EIF4E3: variants seen among roughly 807,000 people sequenced by gnomAD.
EIF4E3 encodes eukaryotic translation initiation factor 4E family member 3, also known as eukaryotic translation initiation factor 4E type 3.
EIF4E3 carries 26 observed loss-of-function variants against 31.7 expected under a neutral mutation model. The ratio of observed to expected loss-of-function variants is 0.82; its 90% CI spans 0.60 to 1.14. The LOEUF is 1.14. Ranked by LOEUF, EIF4E3 falls within the 50% of genes most tolerant of loss-of-function variation. The pLI, the probability that EIF4E3 is intolerant of heterozygous loss-of-function variation, is 0.00. For missense variants in EIF4E3, 304 were observed against 270.9 expected (o/e 1.12, Z -0.86); for synonymous variants, 128 against 107.7 (o/e 1.19, Z -1.17).
chr3:71,715,549 G>A (rs1214254195), intron 1 of EIF4E3, among the ~76,000 whole-genome samples: 2 of 152,210 alleles, frequency 1.3e-5, no homozygotes, highest in African/African-American at 4.8e-5. Context: ...ACCATTCCTA[G>A]TAGAAGATAC....
At chr3:71,745,760 C>T (rs1217189248) in intron 1 of EIF4E3, among the ~76,000 whole-genome samples, 2 of 152,178 alleles carry the variant, frequency 1.3e-5, no homozygotes, top group East Asian at 3.9e-4. Flanking sequence ...AGGATCACAA[C>T]ATGACTTAAC....
intron 1 of EIF4E3, among the ~76,000 whole-genome samples, chr3:71,711,638 C>A (rs1465969339): frequency 1.3e-5 from 2 of 152,178 alleles, no homozygotes; most frequent in African/African-American, 4.8e-5. Flanking sequence ...AGTCCTTGAA[C>A]TATGAACCAG....
Position 71,676,108 on chromosome 3 carries a change from A to G in EIF4E3, c.*8574T>C, listed in dbSNP as rs1336461233. On this transcript the variant is annotated 3_prime_UTR_variant, in exon 7 of 7. Transcript: ENST00000425534. Reference sequence around the variant, plus strand: ...GAGCCACACACTACAGCAAAAGCACATTAAATTCTGCCCAGTTACTAACTT... The same window carrying G: ...GAGCCACACACTACAGCAAAAGCACGTTAAATTCTGCCCAGTTACTAACTT... 1.3e-5 allele frequency: 2 copies of G among 152,360 alleles called. No homozygotes were observed. The highest frequency in any genetic ancestry group is 1.9e-4 in the East Asian group (1 of 5,190). The allele number at this position is 152,360 out of a possible 1,614,324, so 9.4% of individuals were successfully genotyped here.
chr3:71,676,683 G>A lies in EIF4E3; in HGVS notation c.*7999C>T, dbSNP rs2107988426. On this transcript the variant is annotated 3_prime_UTR_variant, in exon 7 of 7. Coordinates refer to ENST00000425534, the MANE Select transcript of EIF4E3 (RefSeq NM_001134651.2). ...GTGTTTCTGTGGAACCACCCTTCTA[G>A]GGAACACTCTTTGAAAGCTGATGGA... The A allele has an allele frequency of 6.6e-6, 1 of 151,904 alleles. No homozygotes were observed. The highest frequency in any genetic ancestry group is 1.9e-4 in the East Asian group (1 of 5,178). 9.4% of individuals were successfully genotyped at this position (151,904 alleles called of 1,614,324 possible). A position where few individuals can be genotyped will look rare whatever the true frequency, so the allele number is the denominator to read the frequency against.
At chr3:71,709,593 C>A (rs2108075501) in intron 2 of EIF4E3, among the ~76,000 whole-genome samples, 1 of 152,062 alleles carries the variant, frequency 6.6e-6, no homozygotes, top group East Asian at 1.9e-4. Context: ...GTTGCCCAGG[C>A]TGCTCTGGAA....
chr3:71,753,662 G>C, upstream of EIF4E3: 1 of 148,900 alleles, frequency 6.7e-6, no homozygotes, highest in Non-Finnish European at 1.5e-5. Flanking sequence ...CGGCGGCGGC[G>C]GCGGCGGCAG....
intron 4 of EIF4E3, among the ~76,000 whole-genome samples, chr3:71,695,984 T>C (rs1029213098): frequency 6.6e-5 from 10 of 152,162 alleles, no homozygotes; most frequent in Non-Finnish European, 1.5e-5. Flanking sequence ...AGATGGAGCA[T>C]AGTCTCTCAT....
intron 1 of EIF4E3, among the ~76,000 whole-genome samples, chr3:71,741,430 C>T (rs1578389377): frequency 6.6e-6 from 1 of 151,994 alleles, no homozygotes; most frequent in Non-Finnish European, 1.5e-5. Flanking sequence ...TGAAGAGGGT[C>T]GATTAGTAAT....
intron 1 of EIF4E3, among the ~76,000 whole-genome samples, chr3:71,721,904 A>G (rs1403487949): frequency 2.0e-5 from 3 of 152,140 alleles, no homozygotes; most frequent in Admixed American, 2.0e-4. Flanking sequence ...TGGAGGTGAG[A>G]GCACTCCAAG....
rs1210154482 is a variant in EIF4E3, at chr3:71,675,576, T to C, written c.*9106A>G. ...CATTTTTTCCACATAATATATGGAA[T>C]GAAGAAAAGATCATTGATTTTAACA... On this transcript the variant is annotated 3_prime_UTR_variant, in exon 7 of 7. Coordinates refer to ENST00000425534, the MANE Select transcript of EIF4E3 (RefSeq NM_001134651.2). The C allele has an allele frequency of 6.6e-6, 1 of 152,246 alleles. No homozygotes were observed. The highest frequency in any genetic ancestry group is 2.4e-5 in the African/African-American group (1 of 41,470). The allele number at this position is 152,246 out of a possible 1,614,324, so 9.4% of individuals were successfully genotyped here. A position where few individuals can be genotyped will look rare whatever the true frequency, so the allele number is the denominator to read the frequency against.
chr3:71,725,519 CAGGGCCTGGGA>C, upstream of EIF4E3: 6 of 329,184 alleles, frequency 1.8e-5, no homozygotes, highest in Middle Eastern at 1.6e-3. The surrounding 1 kb of genome is among the most constrained non-coding windows in gnomAD (Gnocchi z 6.1). Flanking sequence ...CCGCCGCCTT[CAGGGCCTGGGA>C]GCCGCGCGGA....
In EIF4E3 at chr3:71,710,453, C is replaced by G; in HGVS notation, c.208G>C (p.Ala70Pro). 6.4e-7 allele frequency: 1 copy of G among 1,552,032 alleles called. No homozygotes were observed. Among genetic ancestry groups the G allele is most frequent in the Non-Finnish European group, 8.7e-7 (1 of 1,147,056 alleles). ...GTGTAGATTTTCTTCAGATTTGATG[C>G]GCACTCAGCTGCTGTGGCACCAGGG... ...SLPGATAAEC[A>P]SNLKKIYTVQ... The change falls in exon 2 of 7, where the codon GCA (alanine) becomes CCA (proline). Residue 70 changes from alanine (A) to proline (P), a missense_variant. Ala to Pro is a conservative substitution (Grantham distance 27). Transcript: ENST00000425534.
At chr3:71,694,209 C>T (rs763069901) in intron 4 of EIF4E3, among the ~76,000 whole-genome samples, 19 of 152,298 alleles carry the variant, frequency 1.2e-4, no homozygotes, top group Non-Finnish European at 2.8e-4. Flanking sequence ...TGGTGAAATT[C>T]AGAAGAATTT....
chr3:71,745,266 G>T (rs1372182095), intron 1 of EIF4E3, among the ~76,000 whole-genome samples: 3 of 152,198 alleles, frequency 2.0e-5, no homozygotes, highest in African/African-American at 7.2e-5. Flanking sequence ...AAATTTATAT[G>T]TGTGTGGGAG....
In EIF4E3 at chr3:71,725,271, CGAGCGGCGGCTCGG is replaced by C; in HGVS notation, c.83_96del (p.Pro28ArgfsTer11). ...TGCAGCGCCGACAGCTGCTGCAGGCCGAGCGGCGGCTCGGGGGCGGCGGCAGCGGCGGCGGCGCG... is the reference window on the plus strand; with the variant it reads ...TGCAGCGCCGACAGCTGCTGCAGGCCGGGCGGCGGCAGCGGCGGCGGCGCG... On this transcript the variant is annotated frameshift_variant, in exon 1 of 7. Transcript: ENST00000425534. LOFTEE classifies it high-confidence loss of function. The surrounding 1 kb of genome is among the most constrained non-coding windows in gnomAD (Gnocchi z 6.1). The C allele has an allele frequency of 9.7e-7, 1 of 1,029,346 alleles. No homozygotes were observed. The highest frequency in any genetic ancestry group is 1.2e-6 in the Non-Finnish European group (1 of 860,974). The allele number at this position is 1,029,346 out of a possible 1,614,324, so 63.8% of individuals were successfully genotyped here. A position where few individuals can be genotyped will look rare whatever the true frequency, so the allele number is the denominator to read the frequency against.
intron 1 of EIF4E3, among the ~76,000 whole-genome samples, chr3:71,737,599 C>A (rs2049776256): frequency 6.6e-6 from 1 of 151,930 alleles, no homozygotes; most frequent in South Asian, 2.1e-4. Context: ...TGCTACAGTG[C>A]AGAAAAAAAG....
chr3:71,693,112 A>G (rs367990154), intron 5 of EIF4E3, among the ~76,000 whole-genome samples: 188 of 152,350 alleles, frequency 1.2e-3, no homozygotes, highest in Middle Eastern at 6.8e-3. Context: ...GAAGAAAAAT[A>G]GTATTCTAAA....
In EIF4E3 at chr3:71,677,569, T is replaced by G. The variant is rs1224773939; in HGVS notation, c.*7113A>C. On this transcript the variant is annotated 3_prime_UTR_variant, in exon 7 of 7. Transcript: ENST00000425534. ...AGAATGCATGGTGGCAGTAATCAGA[T>G]GCAAATATGAGAGGGAAACATTATG... 6.6e-6 allele frequency: 1 copy of G among 152,170 alleles called. No homozygotes were observed. Among genetic ancestry groups the G allele is most frequent in the African/African-American group, 2.4e-5 (1 of 41,442 alleles). The allele number at this position is 152,170 out of a possible 1,614,324, so 9.4% of individuals were successfully genotyped here.
Position 71,699,260 on chromosome 3 carries a change from C to A in EIF4E3, c.344+354G>T, listed in dbSNP as rs538413686. Among the ~76,000 whole-genome samples the A allele has an allele frequency of 2.1e-3, 319 of 151,726 alleles. 1 individual carries two copies. The highest frequency in any genetic ancestry group is 6.7e-3 in the African/African-American group (278 of 41,410). ...GAAACCAACCAAACAACAACAACAA[C>A]AAAAAAAACCCCACAAAAACAAATT... On this transcript the variant is annotated intron_variant, in intron 3 of 6. Coordinates refer to ENST00000425534, the MANE Select transcript of EIF4E3 (RefSeq NM_001134651.2).
Sources: gnomAD v4.1 joint callset for allele counts (sites outside exome capture counted in the v4.1 genomes callset) on GRCh38, gnomAD v4.1.1 for gene constraint, Gnocchi (gnomAD v3.1) non-coding constraint, MANE v1.5 for transcripts, NCBI Gene and HGNC (gene_info 2026-07-23, HGNC 2026-07-21) for gene names.